The following GRID2 variants were observed in gnomAD, a reference collection of about 807,000 sequenced individuals.
GRID2 encodes the protein glutamate receptor ionotropic, delta-2.
In GRID2, 33 loss-of-function variants were observed where a neutral mutation model predicts 114.8. That is an observed-to-expected ratio of 0.29 (90% CI 0.22 to 0.38). The LOEUF (loss-of-function observed/expected upper bound fraction) is 0.38. Among genes scored for constraint, GRID2 ranks in the 10% least tolerant of loss-of-function variants. The pLI is 1.00. For missense variants in GRID2, 1,184 were observed against 1,257.7 expected, an observed-to-expected ratio of 0.94 and a Z score of 0.89; for synonymous variants, 505 against 449.9, an observed-to-expected ratio of 1.12 and a Z score of -1.55.
chr4:93,242,499 C>T (rs1184361248), intron 8 of GRID2, among the ~76,000 whole-genome samples: 3 of 151,918 alleles, frequency 2.0e-5, no homozygotes, highest in Non-Finnish European at 2.9e-5. Context: ...AGCAGTACAA[C>T]AAGGCAGTAT....
chr4:93,470,235 G>T (rs1724674597), intron 11 of GRID2, among the ~76,000 whole-genome samples: 1 of 152,112 alleles, frequency 6.6e-6, no homozygotes, highest in African/African-American at 2.4e-5. Context: ...GTCGGAATGA[G>T]TAACTTTCTT....
chr4:93,089,736 A>G (rs1232336432), intron 3 of GRID2, among the ~76,000 whole-genome samples: 1 of 152,100 alleles, frequency 6.6e-6, no homozygotes, highest in African/African-American at 2.4e-5. Context: ...TGGGAATTTT[A>G]TCCTATTTGC....
chr4:93,466,976 A>G (rs1724341091), intron 11 of GRID2, among the ~76,000 whole-genome samples: 1 of 152,196 alleles, frequency 6.6e-6, no homozygotes, highest in African/African-American at 2.4e-5. Flanking sequence ...TATTGTAAAT[A>G]CCTATGAAAT....
intron 4 of GRID2, among the ~76,000 whole-genome samples, chr4:93,163,195 C>A (rs886219670): frequency 1.3e-5 from 2 of 151,038 alleles, no homozygotes; most frequent in African/African-American, 4.9e-5. Context: ...AATACATATA[C>A]AAATTATATG....
At chr4:92,563,560 C>T (rs1901141) in intron 1 of GRID2, among the ~76,000 whole-genome samples, 95 of 152,158 alleles carry the variant, frequency 6.2e-4, no homozygotes, top group African/African-American at 2.2e-3. Flanking sequence ...CTCCTGAATA[C>T]AATTCTTCCA....
At chr4:93,479,164 A>G (rs947262704) in intron 11 of GRID2, among the ~76,000 whole-genome samples, 3 of 152,104 alleles carry the variant, frequency 2.0e-5, no homozygotes, top group Non-Finnish European at 2.9e-5. Context: ...AGTGTCCAAT[A>G]GCATTATACC....
rs72216440 is a variant in GRID2 at position 92,486,547 on chromosome 4, TCACACACACACA to T, written c.89-103551_89-103540del. Among the ~76,000 whole-genome samples the T allele has an allele frequency of 6.9e-4, 94 of 137,170 alleles. 1 individual carries two copies. Among genetic ancestry groups the T allele is most frequent in the African/African-American group, 1.5e-3 (56 of 37,184 alleles). The allele number at this position is 137,170 out of a possible 152,430, so 90.0% of individuals were successfully genotyped here. On this transcript the variant is annotated intron_variant, in intron 1 of 15. Coordinates refer to ENST00000282020, the MANE Select transcript of GRID2 (RefSeq NM_001510.4). ...ATAGCCTTATAAATCTCTCTCTCTT[TCACACACACACA>T]CACACACACACACACACACACACAC...
At chr4:93,654,690 A>G (rs1054953853) in intron 14 of GRID2, among the ~76,000 whole-genome samples, 8 of 152,200 alleles carry the variant, frequency 5.3e-5, no homozygotes, top group Non-Finnish European at 1.2e-4. Context: ...AAAATGTAGG[A>G]TTACAAAATA....
At chr4:93,793,856 A>T (rs1734745353) in intron 1 of GRID2, among the ~76,000 whole-genome samples, 1 of 152,176 alleles carries the variant, frequency 6.6e-6, no homozygotes, top group African/African-American at 2.4e-5. Flanking sequence ...CAGTTTTCAC[A>T]TCTTAGTGCT....
chr4:93,587,095 TTCTG>T (rs989024995), intron 13 of GRID2, among the ~76,000 whole-genome samples: 1 of 152,112 alleles, frequency 6.6e-6, no homozygotes, highest in Non-Finnish European at 1.5e-5. Context: ...TGAAGTTTCT[TTCTG>T]TCTATCATTT....
chr4:93,634,533 C>A (rs1721242506), intron 14 of GRID2, among the ~76,000 whole-genome samples: 1 of 152,068 alleles, frequency 6.6e-6, no homozygotes, highest in Non-Finnish European at 1.5e-5. Flanking sequence ...TTTGAGGAAA[C>A]TGAGCCTCAG....
At chr4:92,475,165 T>G (rs1722242089) in intron 1 of GRID2, among the ~76,000 whole-genome samples, 1 of 149,436 alleles carries the variant, frequency 6.7e-6, no homozygotes, top group African/African-American at 2.5e-5. Flanking sequence ...AAAAGCTTTT[T>G]ATTTTGACTT....
At chr4:93,255,966 C>T (rs959905721) in intron 8 of GRID2, among the ~76,000 whole-genome samples, 2 of 152,004 alleles carry the variant, frequency 1.3e-5, no homozygotes, top group Admixed American at 6.6e-5. Flanking sequence ...AAGAAAAAAT[C>T]TATTTTAAAA....
At chr4:92,349,902 C>A (rs543152175) in intron 1 of GRID2, among the ~76,000 whole-genome samples, 1 of 151,864 alleles carries the variant, frequency 6.6e-6, no homozygotes, top group South Asian at 2.1e-4. Flanking sequence ...GGAATTTTAC[C>A]AGTAACCCTT....
chr4:92,698,485 A>G (rs1055809525), intron 2 of GRID2, among the ~76,000 whole-genome samples: 2 of 152,062 alleles, frequency 1.3e-5, no homozygotes, highest in African/African-American at 4.8e-5. Flanking sequence ...AAAATAGTAA[A>G]TAAACTACTG....
chr4:93,483,315 C>T (rs1202535947), intron 11 of GRID2, among the ~76,000 whole-genome samples: 1 of 151,782 alleles, frequency 6.6e-6, no homozygotes, highest in Non-Finnish European at 1.5e-5. Flanking sequence ...TAACCTGTTT[C>T]CAATAAAGAT....
chr4:93,413,648 A>T (rs1256262300), intron 9 of GRID2, among the ~76,000 whole-genome samples: 1 of 152,204 alleles, frequency 6.6e-6, no homozygotes, highest in Non-Finnish European at 1.5e-5. Context: ...GTATGTTAAG[A>T]GAGCAAAACA....
chr4:93,544,504 A>G (rs976284682), intron 13 of GRID2, among the ~76,000 whole-genome samples: 1 of 152,120 alleles, frequency 6.6e-6, no homozygotes, highest in African/African-American at 2.4e-5. Flanking sequence ...GACACCAGGT[A>G]CGGTGGCTGA....
intron 11 of GRID2, among the ~76,000 whole-genome samples, chr4:93,479,558 G>A (rs528395306): frequency 6.6e-6 from 1 of 152,186 alleles, no homozygotes; most frequent in East Asian, 1.9e-4. Context: ...TCAGTCCCAG[G>A]CCAAAGGCCT....
Sources: allele counts gnomAD v4.1 joint callset (sites outside exome capture counted in the v4.1 genomes callset), GRCh38; gene constraint gnomAD v4.1.1; transcripts MANE v1.5; gene names NCBI Gene and HGNC (gene_info 2026-07-23, HGNC 2026-07-21).